The following SGCD variants were observed in gnomAD, a reference collection of about 807,000 sequenced individuals.
SGCD encodes sarcoglycan delta.
In SGCD, 18 loss-of-function variants were observed where a neutral mutation model predicts 36.6. The observed-to-expected ratio is 0.49, with a 90% CI of 0.34 to 0.73. The LOEUF (loss-of-function observed/expected upper bound fraction) is 0.73, where lower values mean the gene tolerates loss of function less well. Ranked by LOEUF, SGCD falls within the 30% of genes least tolerant of loss-of-function variation. The probability of loss-of-function intolerance (pLI) is 0.01; values close to 1 mark genes in which losing one functional copy is unlikely to be tolerated. For missense variants in SGCD, 387 were observed against 346.7 expected (o/e 1.12, Z -0.92); for synonymous variants, 133 against 130.6 (o/e 1.02, Z -0.12).
the SGCD span, among the ~76,000 whole-genome samples, chr5:155,751,713 T>TA: frequency 2.4e-3 from 342 of 142,390 alleles, 6 homozygotes; most frequent in East Asian, 0.049. Context: ...TTTTTTTTTA[T>TA]AAAAAAAAAA....
At chr5:155,774,946 G>A in the SGCD span, among the ~76,000 whole-genome samples, 5 of 152,106 alleles carry the variant, frequency 3.3e-5, no homozygotes, top group Admixed American at 2.6e-4. Flanking sequence ...TCACATTGAT[G>A]CTGCACACAT....
chr5:155,958,206 A>T (rs1207209087), intron 1 of SGCD, among the ~76,000 whole-genome samples: 1 of 152,128 alleles, frequency 6.6e-6, no homozygotes, highest in Non-Finnish European at 1.5e-5. Context: ...TAAACTGTAA[A>T]GCACTGTATT....
intron 1 of SGCD, among the ~76,000 whole-genome samples, chr5:156,069,030 G>A (rs1420239184): frequency 4.6e-5 from 7 of 152,082 alleles, no homozygotes; most frequent in Non-Finnish European, 7.3e-5. Context: ...TTAGCCCTTT[G>A]TCAGATGAGT....
the SGCD span, among the ~76,000 whole-genome samples, chr5:155,738,729 TGA>T: frequency 5.7e-4 from 85 of 148,356 alleles, no homozygotes; most frequent in African/African-American, 1.2e-3. Flanking sequence ...AGAGTGTGTG[TGA>T]GAGAGTGTGT....
intron 7 of SGCD, among the ~76,000 whole-genome samples, chr5:156,668,183 A>G (rs965049689): frequency 1.3e-5 from 2 of 152,208 alleles, no homozygotes; most frequent in African/African-American, 4.8e-5. Flanking sequence ...GCCACAGACT[A>G]AGGCATGATA....
chr5:156,291,450 C>T (rs1185349481), intron 3 of SGCD, among the ~76,000 whole-genome samples: 3 of 151,998 alleles, frequency 2.0e-5, no homozygotes, highest in Non-Finnish European at 4.4e-5. Flanking sequence ...AATAAAATGT[C>T]ATTTACAAAA....
At chr5:155,840,131 G>A in the SGCD span, among the ~76,000 whole-genome samples, 4 of 150,966 alleles carry the variant, frequency 2.6e-5, no homozygotes, top group African/African-American at 9.8e-5. Context: ...ATCCAATACC[G>A]TATTATGTAT....
Position 155,880,168 on chromosome 5 carries a change from T to TCC in SGCD, c.-282+9744_-282+9745insCC, listed in dbSNP as rs1417764967. ...GACTTGGGGCAAATCCCCTCCTGAT[T>TCC]TCAGTTTTGTACCTTTAAAGTGAGA... is the stretch of plus-strand genomic sequence containing the variant. On this transcript the variant is annotated intron_variant, in intron 1 of 9. Coordinates refer to the SGCD transcript ENST00000517913. 2.9e-3 allele frequency among the ~76,000 whole-genome samples: 445 copies of TCC among 152,212 alleles called. 1 individual carries two copies. The highest frequency in any genetic ancestry group is 0.01 in the African/African-American group (419 of 41,536).
chr5:156,202,613 A>G (rs918202005), intron 3 of SGCD, among the ~76,000 whole-genome samples: 18 of 152,168 alleles, frequency 1.2e-4, no homozygotes, highest in Non-Finnish European at 1.8e-4. Flanking sequence ...TATTGGTTCC[A>G]AATAAGGTGA....
chr5:155,775,544 C>G, the SGCD span, among the ~76,000 whole-genome samples: 1 of 152,106 alleles, frequency 6.6e-6, no homozygotes, highest in African/African-American at 2.4e-5. Flanking sequence ...CTACTGCACT[C>G]TTTGCTGAAT....
the SGCD span, among the ~76,000 whole-genome samples, chr5:155,764,281 G>A: frequency 6.6e-6 from 1 of 152,122 alleles, no homozygotes; most frequent in Non-Finnish European, 1.5e-5. Context: ...TAGTTAGCCA[G>A]TACTCCTTAA....
At chr5:155,787,026 G>A in the SGCD span, among the ~76,000 whole-genome samples, 3 of 152,160 alleles carry the variant, frequency 2.0e-5, no homozygotes, top group South Asian at 2.1e-4. Flanking sequence ...GAGTGCAAGC[G>A]GGCTTTGCTA....
chr5:156,500,594 A>G (rs1756402824), intron 3 of SGCD, among the ~76,000 whole-genome samples: 1 of 152,232 alleles, frequency 6.6e-6, no homozygotes. Context: ...TTTTCTGTTA[A>G]TAGATTTTAT....
At chr5:155,815,200 A>G in the SGCD span, among the ~76,000 whole-genome samples, 1 of 152,194 alleles carries the variant, frequency 6.6e-6, no homozygotes, top group East Asian at 1.9e-4. Context: ...TCACCATCTA[A>G]GTTGATAATG....
chr5:155,986,799 T>G (rs2127563576), intron 1 of SGCD, among the ~76,000 whole-genome samples: 1 of 152,264 alleles, frequency 6.6e-6, no homozygotes, highest in South Asian at 2.1e-4. Context: ...AGCTGACCCT[T>G]TAAAGTGCAT....
intron 1 of SGCD, among the ~76,000 whole-genome samples, chr5:156,030,944 A>G (rs1759337130): frequency 6.6e-6 from 1 of 152,242 alleles, no homozygotes; most frequent in South Asian, 2.1e-4. Flanking sequence ...GAAAAAAAGT[A>G]GTGGAAAATG....
chr5:156,082,323 A>G (rs993613041), intron 1 of SGCD, among the ~76,000 whole-genome samples: 1 of 151,538 alleles, frequency 6.6e-6, no homozygotes, highest in Non-Finnish European at 1.5e-5. Flanking sequence ...AAACCTTGAG[A>G]CTTCCTCAGT....
At chr5:156,297,912 C>A (rs954485690) in intron 3 of SGCD, among the ~76,000 whole-genome samples, 2 of 151,670 alleles carry the variant, frequency 1.3e-5, no homozygotes, top group African/African-American at 4.8e-5. Context: ...CAGTAGCTAT[C>A]CCCCGCCCAC....
At chr5:156,206,141 GT>G (rs1336257083) in intron 3 of SGCD, among the ~76,000 whole-genome samples, 4 of 151,478 alleles carry the variant, frequency 2.6e-5, no homozygotes, top group African/African-American at 4.8e-5. Flanking sequence ...ATACCTTGGT[GT>G]TTTTACCCAA....
Sources: allele counts gnomAD v4.1 joint callset (sites outside exome capture counted in the v4.1 genomes callset), GRCh38; gene constraint gnomAD v4.1.1; transcripts MANE v1.5; gene names NCBI Gene and HGNC (gene_info 2026-07-23, HGNC 2026-07-21).